Variants in GALNTL6 observed in about 807,000 individuals in gnomAD.
GALNTL6 encodes polypeptide N-acetylgalactosaminyltransferase-like 6.
A neutral mutation model predicts 73.7 loss-of-function variants in GALNTL6; 46 were observed. That is an observed-to-expected ratio of 0.62 (90% CI 0.49 to 0.80). The LOEUF (loss-of-function observed/expected upper bound fraction) is 0.80. Among genes scored for constraint, GALNTL6 ranks in the 30% least tolerant of loss-of-function variants. GALNTL6 has a pLI of 0.00. For missense variants in GALNTL6, 604 were observed against 755.0 expected (o/e 0.80, Z 2.34); for synonymous variants, 259 against 263.7 (o/e 0.98, Z 0.17).
chr4:172,514,297 A>G (rs1344458833), intron 5 of GALNTL6, among the ~76,000 whole-genome samples: 1 of 152,078 alleles, frequency 6.6e-6, no homozygotes, highest in Non-Finnish European at 1.5e-5. Flanking sequence ...TCTCAGGCCT[A>G]TGGAGTTATG....
chr4:172,442,193 C>G (rs146933967), intron 5 of GALNTL6, among the ~76,000 whole-genome samples: 4 of 152,284 alleles, frequency 2.6e-5, no homozygotes, highest in African/African-American at 7.2e-5. Flanking sequence ...TTCACTGATT[C>G]AGTGTTGACA....
intron 2 of GALNTL6, among the ~76,000 whole-genome samples, chr4:172,109,857 T>G (rs138360900): frequency 2.6e-5 from 4 of 152,256 alleles, no homozygotes; most frequent in African/African-American, 9.6e-5. Context: ...AAATGTAGCA[T>G]ACAAATCTTG....
At chr4:171,980,345 A>G (rs1474966618) in intron 2 of GALNTL6, among the ~76,000 whole-genome samples, 2 of 152,234 alleles carry the variant, frequency 1.3e-5, no homozygotes, top group East Asian at 1.9e-4. Context: ...CTGTACATAT[A>G]TAACATGAAA....
At chr4:171,895,115 A>G (rs115267733) in intron 2 of GALNTL6, among the ~76,000 whole-genome samples, 3,314 of 152,340 alleles carry the variant, frequency 0.022, 94 homozygotes, top group African/African-American at 0.07. Context: ...TAATGTCTAC[A>G]TGAGCTCCAA....
At chr4:171,940,227 GA>G (rs1738487960) in intron 2 of GALNTL6, among the ~76,000 whole-genome samples, 1 of 151,950 alleles carries the variant, frequency 6.6e-6, no homozygotes, top group Admixed American at 6.6e-5. Flanking sequence ...TGTGTCCTCA[GA>G]AAATACAAAA....
intron 5 of GALNTL6, among the ~76,000 whole-genome samples, chr4:172,782,414 A>C (rs1443207574): frequency 6.6e-6 from 1 of 152,056 alleles, no homozygotes; most frequent in Non-Finnish European, 1.5e-5. Flanking sequence ...CACCTCTAGA[A>C]CTCTAGTGAA....
At chr4:172,743,898 ATAAGT>A (rs59229034) in intron 5 of GALNTL6, among the ~76,000 whole-genome samples, 54,395 of 151,898 alleles carry the variant, frequency 0.36, 10,762 homozygotes, top group African/African-American at 0.52. Context: ...GGCAAAACAG[ATAAGT>A]TAAATGAGAA....
At position 172,716,869 on chromosome 4, in the gene GALNTL6, ATTG is replaced by A. The variant is rs146619862; in HGVS notation, c.554-92489_554-92487del. Among the ~76,000 whole-genome samples, 1,344 of 152,274 alleles carry A rather than the reference ATTG, an allele frequency of 8.8e-3. 24 individuals are homozygous for A. Among genetic ancestry groups the A allele is most frequent in the African/African-American group, 0.031 (1,293 of 41,532 alleles). The stretch of plus-strand genomic sequence containing the variant: ...GTTATTTTCTCTTTAGTCACCCATA[ATTG>A]TTCTACAAATTCCTTGCATAGTTGG... On this transcript the variant is annotated intron_variant, in intron 5 of 12. Transcript: ENST00000506823.
intron 5 of GALNTL6, among the ~76,000 whole-genome samples, chr4:172,671,973 C>T (rs1353465685): frequency 6.6e-6 from 1 of 152,164 alleles, no homozygotes; most frequent in East Asian, 1.9e-4. Context: ...TCACTGCAAC[C>T]TCCGCATCCC....
intron 2 of GALNTL6, among the ~76,000 whole-genome samples, chr4:172,138,732 TG>T (rs1193553785): frequency 6.7e-6 from 1 of 150,178 alleles, no homozygotes; most frequent in Non-Finnish European, 1.5e-5. Context: ...GGTTTCACCC[TG>T]TTAGCCAGGA....
intron 3 of GALNTL6, among the ~76,000 whole-genome samples, chr4:172,289,874 T>C (rs1739403337): frequency 6.6e-6 from 1 of 152,186 alleles, no homozygotes; most frequent in Non-Finnish European, 1.5e-5. Context: ...GAAAGAGACT[T>C]AAGCTATTCT....
At chr4:171,835,579 C>A (rs1478064320) in intron 2 of GALNTL6, among the ~76,000 whole-genome samples, 1 of 151,828 alleles carries the variant, frequency 6.6e-6, no homozygotes, top group Non-Finnish European at 1.5e-5. Flanking sequence ...TGGTCGAGAT[C>A]ATTATATTGC....
chr4:172,528,317 AAAATAT>A (rs1446941568), intron 5 of GALNTL6, among the ~76,000 whole-genome samples: 1 of 118,532 alleles, frequency 8.4e-6, no homozygotes, highest in African/African-American at 3.4e-5. Flanking sequence ...TGCTAGAAAT[AAAATAT>A]ATATATATAT....
intron 3 of GALNTL6, among the ~76,000 whole-genome samples, chr4:172,285,847 T>C (rs1161280250): frequency 6.6e-6 from 1 of 152,222 alleles, no homozygotes. Flanking sequence ...CCTAAAACTT[T>C]AGCAACAGGT....
chr4:172,061,179 A>G (rs1579099155), intron 2 of GALNTL6, among the ~76,000 whole-genome samples: 1 of 152,156 alleles, frequency 6.6e-6, no homozygotes, highest in Non-Finnish European at 1.5e-5. Flanking sequence ...TACTAATAGA[A>G]CTTTTCAGGT....
At chr4:172,605,106 T>A (rs1738204775) in intron 5 of GALNTL6, among the ~76,000 whole-genome samples, 1 of 152,164 alleles carries the variant, frequency 6.6e-6, no homozygotes, top group Admixed American at 6.5e-5. Context: ...CTAAAAGCAT[T>A]TTATAGACAA....
chr4:172,369,624 C>T (rs958883246), intron 5 of GALNTL6, among the ~76,000 whole-genome samples: 10 of 152,168 alleles, frequency 6.6e-5, no homozygotes, highest in South Asian at 2.1e-4. Flanking sequence ...CATGGGAAGG[C>T]GGCTGAGGCC....
intron 2 of GALNTL6, among the ~76,000 whole-genome samples, chr4:172,069,516 T>TTA (rs1491487393): frequency 2.3e-5 from 1 of 43,388 alleles, no homozygotes. Flanking sequence ...CACATATATG[T>TTA]TATATGTATA....
intron 12 of GALNTL6, among the ~76,000 whole-genome samples, chr4:173,025,177 G>A (rs865801531): frequency 4.7e-4 from 71 of 152,192 alleles, no homozygotes; most frequent in African/African-American, 1.7e-3. Context: ...ATGATGCTGG[G>A]GCTATGTTCA....
Sources: gnomAD v4.1 joint callset for allele counts (sites outside exome capture counted in the v4.1 genomes callset) on GRCh38, gnomAD v4.1.1 for gene constraint, MANE v1.5 for transcripts, NCBI Gene and HGNC (gene_info 2026-07-23, HGNC 2026-07-21) for gene names.